XPO7: variants seen among roughly 807,000 people sequenced by gnomAD.
XPO7 encodes the protein exportin 7, also known as exportin-7.
In XPO7, 21 loss-of-function variants were observed where a neutral mutation model predicts 144.3. The ratio of observed to expected loss-of-function variants is 0.15; its 90% CI spans 0.10 to 0.21. The LOEUF is 0.21. Among genes scored for constraint, XPO7 ranks in the 10% least tolerant of loss-of-function variants. The probability of loss-of-function intolerance (pLI) is 1.00; values close to 1 mark genes in which losing one functional copy is unlikely to be tolerated. For synonymous variants in XPO7, 580 were observed against 499.6 expected (o/e 1.16, Z -2.15); for missense variants, 808 against 1,325.8 (o/e 0.61, Z 6.06).
intron 2 of XPO7, among the ~76,000 whole-genome samples, chr8:21,969,055 T>G (rs938513497): frequency 1.3e-5 from 2 of 152,202 alleles, no homozygotes; most frequent in Non-Finnish European, 2.9e-5. Flanking sequence ...TAATACTTCT[T>G]TTCTTTTTTC....
rs1373630899 is a variant in XPO7, at chr8:22,003,250, T to C, written c.2975T>C (p.Phe992Ser). The C allele has an allele frequency of 6.2e-7, 1 of 1,613,334 alleles. No homozygotes were observed. The highest frequency in any genetic ancestry group is 8.5e-7 in the Non-Finnish European group (1 of 1,179,664). The change falls in exon 26 of 28, where the codon TTT (phenylalanine) becomes TCT (serine). Residue 992 changes from phenylalanine to serine, a missense_variant. Phe to Ser is a radical substitution (Grantham distance 155). Transcript: ENST00000252512. ...TCCACGGTGCTGAACATCATCATCT[T>C]TGAAGACTGTAGGAACCAGTGGTCT... Reference protein sequence around the residue: ...MLSTVLNIIIFEDCRNQWSMS... With the variant: ...MLSTVLNIIISEDCRNQWSMS...
chr8:21,982,130 C>G (rs1394644259), intron 10 of XPO7, among the ~76,000 whole-genome samples: 1 of 151,870 alleles, frequency 6.6e-6, no homozygotes, highest in Admixed American at 6.6e-5. Context: ...CATAGTCACC[C>G]CAAAAAAGCC....
At chr8:21,955,931 G>A (rs1210397868) in intron 1 of XPO7, among the ~76,000 whole-genome samples, 1 of 151,956 alleles carries the variant, frequency 6.6e-6, no homozygotes, top group African/African-American at 2.4e-5. Context: ...ATTTCACCCT[G>A]TTGGCCAGGA....
chr8:21,929,631 G>C (rs988815073), intron 1 of XPO7, among the ~76,000 whole-genome samples: 2 of 152,184 alleles, frequency 1.3e-5, no homozygotes, highest in Non-Finnish European at 2.9e-5. Flanking sequence ...ACTAGCAATC[G>C]TAGTTCTCTT....
Position 22,003,290 on chromosome 8 carries a change from A to G in XPO7, c.3015A>G (p.Leu1005=), listed in dbSNP as rs756207585. 18 of 1,612,344 alleles carry G rather than the reference A, an allele frequency of 1.1e-5. No homozygotes were observed. Among genetic ancestry groups the G allele is most frequent in the Middle Eastern group, 1.6e-4 (1 of 6,078 alleles). ...ACCAGTGGTCTATGTCCCGACCACT[A>G]CTTGGCTTGATATTGCTTAATGAAA... The part of the protein sequence containing the change: ...CRNQWSMSRP[L]LGLILLNEKY... Residue 1005 remains leucine (L), a synonymous_variant, in exon 26 of 28, where the codon CTA becomes CTG. Transcript: ENST00000252512.
chr8:21,926,956 G>A (rs897086686), intron 1 of XPO7, among the ~76,000 whole-genome samples: 3 of 152,180 alleles, frequency 2.0e-5, no homozygotes, highest in African/African-American at 7.2e-5. Flanking sequence ...AAAACTTACT[G>A]GAAAATGTGA....
At chr8:21,949,799 G>A (rs974451902) in intron 1 of XPO7, among the ~76,000 whole-genome samples, 2 of 152,130 alleles carry the variant, frequency 1.3e-5, no homozygotes, top group Middle Eastern at 6.3e-3. Context: ...GCACCATCTC[G>A]GCTCACTGTA....
intron 4 of XPO7, 58 bp from the exon 5 acceptor site, chr8:21,971,818 A>G (rs1443168765): frequency 6.7e-7 from 1 of 1,490,398 alleles, no homozygotes; most frequent in East Asian, 2.3e-5. Context: ...AGTGCATTCC[A>G]AATGCCAAAA....
At chr8:21,986,310 C>T (rs1460035555) in intron 13 of XPO7, among the ~76,000 whole-genome samples, 2 of 152,054 alleles carry the variant, frequency 1.3e-5, no homozygotes, top group African/African-American at 2.4e-5. Flanking sequence ...TGCGTCACCA[C>T]ATCTGGCTAA....
At chr8:21,970,369 A>T (rs1585453029) in intron 4 of XPO7, 59 bp downstream of exon 4, 1 of 1,135,686 alleles carries the variant, frequency 8.8e-7, no homozygotes, top group Non-Finnish European at 1.2e-6. Flanking sequence ...CATATATATA[A>T]ACACACACAC....
intron 21 of XPO7, among the ~76,000 whole-genome samples, chr8:21,996,969 C>T (rs1362211243): frequency 3.9e-5 from 6 of 152,010 alleles, no homozygotes; most frequent in African/African-American, 1.2e-4. Flanking sequence ...CCACCACGCC[C>T]GGCTAATTTT....
chr8:21,965,119 C>A (rs6983506), intron 1 of XPO7, among the ~76,000 whole-genome samples: 2 of 151,538 alleles, frequency 1.3e-5, no homozygotes, highest in African/African-American at 4.8e-5. Flanking sequence ...TTCTTGTTAC[C>A]TATTTTCCTA....
intron 2 of XPO7, among the ~76,000 whole-genome samples, chr8:21,968,162 G>T (rs1020315789): frequency 2.0e-5 from 3 of 152,174 alleles, no homozygotes; most frequent in African/African-American, 7.2e-5. Context: ...AAATGATAAT[G>T]CCATGTGGTA....
intron 19 of XPO7, among the ~76,000 whole-genome samples, chr8:21,992,369 T>C (rs1204193838): frequency 6.6e-6 from 1 of 152,214 alleles, no homozygotes; most frequent in East Asian, 1.9e-4. Flanking sequence ...CATTTTTACA[T>C]GTACAGTTCA....
intron 20 of XPO7, among the ~76,000 whole-genome samples, chr8:21,994,727 T>C (rs968668705): frequency 1.1e-4 from 16 of 152,076 alleles, no homozygotes; most frequent in African/African-American, 3.6e-4. Context: ...CTGTTGGTTT[T>C]GCTATATTTA....
chr8:21,939,366 A>G (rs566295550), intron 1 of XPO7, among the ~76,000 whole-genome samples: 2 of 151,946 alleles, frequency 1.3e-5, no homozygotes, highest in African/African-American at 2.4e-5. Context: ...GATTACAGGC[A>G]TGTGCCACCA....
chr8:21,980,830 A>G (rs1812384891), intron 9 of XPO7, among the ~76,000 whole-genome samples: 1 of 152,116 alleles, frequency 6.6e-6, no homozygotes, highest in Admixed American at 6.5e-5. Context: ...ATTTTTAAAA[A>G]ATGTTTATCG....
At chr8:22,001,108 C>T (rs6998644) in intron 24 of XPO7, among the ~76,000 whole-genome samples, 87,740 of 151,652 alleles carry the variant, frequency 0.58, 26,026 homozygotes, top group African/African-American at 0.73. Flanking sequence ...AGGTCAGGAG[C>T]TCGAGACCAG....
chr8:21,970,225 G>T lies in XPO7; in HGVS notation c.341G>T (p.Arg114Ile). The T allele has an allele frequency of 6.2e-7, 1 of 1,613,786 alleles. No homozygotes were observed. Among genetic ancestry groups the T allele is most frequent in the Non-Finnish European group, 8.5e-7 (1 of 1,179,818 alleles). The stretch of plus-strand genomic sequence containing the variant: ...CAAGCACTTATTCAGTTATATGCCA[G>T]AATCACAAAACTGGGCTGGTTTGAC... ...VTQALIQLYA[R>I]ITKLGWFDCQ... The change falls in exon 4 of 28, where the codon AGA (arginine) becomes ATA (isoleucine). Residue 114 changes from arginine to isoleucine, a missense_variant. Transcript: ENST00000252512.
Sources: gnomAD v4.1 joint callset for allele counts (sites outside exome capture counted in the v4.1 genomes callset) on GRCh38, gnomAD v4.1.1 for gene constraint, MANE v1.5 for transcripts, NCBI Gene and HGNC (gene_info 2026-07-23, HGNC 2026-07-21) for gene names.